Variants in ASTN2 observed in about 807,000 individuals in gnomAD.
ASTN2 encodes the protein astrotactin 2, also known as astrotactin-2.
ASTN2 carries 54 observed loss-of-function variants against 139.8 expected under a neutral mutation model. The observed-to-expected ratio is 0.39, with a 90% CI of 0.31 to 0.48. The LOEUF (loss-of-function observed/expected upper bound fraction) is 0.48. ASTN2 is among the 20% of genes least tolerant of loss of function. The pLI, the probability that ASTN2 is intolerant of heterozygous loss-of-function variation, is 0.95. For missense variants in ASTN2, 1,565 were observed against 1,725.1 expected, an observed-to-expected ratio of 0.91 and a Z score of 1.64; for synonymous variants, 756 against 719.5, an observed-to-expected ratio of 1.05 and a Z score of -0.81.
At chr9:116,904,394 C>T (rs1402769443) in intron 10 of ASTN2, among the ~76,000 whole-genome samples, 1 of 152,164 alleles carries the variant, frequency 6.6e-6, no homozygotes, top group African/African-American at 2.4e-5. Flanking sequence ...ATGACACTCA[C>T]AGTCTGGTCA....
chr9:116,813,313 C>T (rs1178944405), intron 12 of ASTN2, among the ~76,000 whole-genome samples: 2 of 152,016 alleles, frequency 1.3e-5, no homozygotes, highest in Non-Finnish European at 2.9e-5. Context: ...ACCATAAAAC[C>T]TTCTATGTGT....
At chr9:116,933,556 A>G (rs974891480) in intron 10 of ASTN2, among the ~76,000 whole-genome samples, 9 of 152,238 alleles carry the variant, frequency 5.9e-5, no homozygotes, top group Admixed American at 5.2e-4. Flanking sequence ...CAAGAGGGGG[A>G]AAAGATGGAG....
intron 1 of ASTN2, among the ~76,000 whole-genome samples, chr9:117,369,983 G>A (rs937765407): frequency 3.9e-5 from 6 of 151,988 alleles, no homozygotes; most frequent in African/African-American, 1.2e-4. Context: ...GTCATGGCAC[G>A]CTAGTTAACA....
In ASTN2 at chr9:116,854,437, A is replaced by G. The variant is rs368369847; in HGVS notation, c.2040+9146T>C. 9.8e-5 allele frequency among the ~76,000 whole-genome samples: 15 copies of G among 152,306 alleles called. 1 individual carries two copies. In the East Asian group the frequency reaches 1.5e-3, roughly 16 times the overall value. On this transcript the variant is annotated intron_variant, in intron 11 of 22. Transcript: ENST00000313400. ...GCTTTAAGTAACTTTTCCCAAAGTC[A>G]CATGGCTAGTGAATGACAAGGTAAG...
intron 5 of ASTN2, among the ~76,000 whole-genome samples, chr9:117,049,892 T>G (rs944517018): frequency 6.6e-6 from 1 of 152,030 alleles, no homozygotes; most frequent in Non-Finnish European, 1.5e-5. Flanking sequence ...ATAGATTAAA[T>G]TGCAGTGTGT....
Position 116,440,821 on chromosome 9 carries a change from C to T in ASTN2, c.3599-29G>A, listed in dbSNP as rs201239208. On this transcript the variant is annotated intron_variant, in intron 21 of 22. Transcript: ENST00000313400. The stretch of plus-strand genomic sequence containing the variant: ...AGAGGGCAGAAGGGCAGAAACAGAT[C>T]ACTGGGTGGTGAAAAAAAGTAAGGA... 1.9e-6 allele frequency: 3 copies of T among 1,593,454 alleles called. No individual in the cohort carries two copies. The Admixed American group carries it at 5.1e-5, about 27-fold the overall frequency.
chr9:116,766,088 A>G (rs1400274184), intron 13 of ASTN2, among the ~76,000 whole-genome samples: 21 of 152,138 alleles, frequency 1.4e-4, no homozygotes, highest in Admixed American at 1.4e-3. Flanking sequence ...AGCCTAAAAC[A>G]TGGCAAGCCT....
chr9:116,445,677 T>G (rs1847966315), intron 20 of ASTN2, among the ~76,000 whole-genome samples: 1 of 152,170 alleles, frequency 6.6e-6, no homozygotes, highest in Non-Finnish European at 1.5e-5. Context: ...GGCTGAATAT[T>G]CTTTGGGAAG....
chr9:116,507,757 A>G (rs1850174152), intron 19 of ASTN2, among the ~76,000 whole-genome samples: 1 of 151,956 alleles, frequency 6.6e-6, no homozygotes, highest in African/African-American at 2.4e-5. Flanking sequence ...CCTTCTGCAA[A>G]CTCGATCCTC....
At chr9:117,016,640 A>AAAGGT (rs1837701605) in intron 6 of ASTN2, among the ~76,000 whole-genome samples, 1 of 21,730 alleles carries the variant, frequency 4.6e-5, no homozygotes, top group Non-Finnish European at 1.3e-4. Context: ...ATATATATAT[A>AAAGGT]TATATATATA....
intron 5 of ASTN2, among the ~76,000 whole-genome samples, chr9:117,062,078 G>T (rs1839310285): frequency 6.6e-6 from 1 of 152,160 alleles, no homozygotes; most frequent in South Asian, 2.1e-4. Context: ...TTTGAAGGAT[G>T]GGTCTTCTCC....
chr9:116,682,539 G>T (rs1161457700), intron 16 of ASTN2, among the ~76,000 whole-genome samples: 1 of 152,170 alleles, frequency 6.6e-6, no homozygotes, highest in Admixed American at 6.6e-5. Flanking sequence ...TATACCCAAA[G>T]GACTATAAAT....
At chr9:117,243,804 C>A (rs1833285900) in intron 2 of ASTN2, among the ~76,000 whole-genome samples, 1 of 152,170 alleles carries the variant, frequency 6.6e-6, no homozygotes, top group African/African-American at 2.4e-5. Flanking sequence ...CACATTCAGA[C>A]CCAGACACTG....
chr9:116,552,670 A>T (rs1185400600), intron 19 of ASTN2, among the ~76,000 whole-genome samples: 1 of 152,230 alleles, frequency 6.6e-6, no homozygotes, highest in Non-Finnish European at 1.5e-5. Flanking sequence ...CTCTCCTCCC[A>T]GTACTCCACC....
chr9:116,617,241 T>C lies in ASTN2; in HGVS notation c.3355+1083A>G, dbSNP rs560020444. Among the ~76,000 whole-genome samples the C allele has an allele frequency of 5.3e-5, 8 of 152,176 alleles. No homozygotes were observed. In the East Asian group the frequency reaches 9.7e-4, roughly 18 times the overall value. On this transcript the variant is annotated intron_variant, in intron 19 of 22. Coordinates refer to ENST00000313400, the MANE Select transcript of ASTN2 (RefSeq NM_001365068.1). The stretch of plus-strand genomic sequence containing the variant: ...AATTTCAGAGGAAGCAAAGCAAAAA[T>C]AGCCCAGAGAGGAATGGGAGAGGTG...
chr9:116,851,257 C>T (rs1832591274), intron 11 of ASTN2, among the ~76,000 whole-genome samples: 1 of 152,054 alleles, frequency 6.6e-6, no homozygotes, highest in South Asian at 2.1e-4. Flanking sequence ...GCATAAAAGA[C>T]AGGGTCTTGG....
At position 116,886,411 on chromosome 9, in the gene ASTN2, G is replaced by A. The variant is rs143151918; in HGVS notation, c.1890-22678C>T. On this transcript the variant is annotated intron_variant, in intron 10 of 22. Transcript: ENST00000313400. ...TTTTCTTGAAACAGGGTCTTGCTCC[G>A]TTGCCCAGGTTTCACTGCAGTGGTG... Among the ~76,000 whole-genome samples the A allele has an allele frequency of 3.9e-4, 60 of 152,138 alleles. 2 individuals carry two copies. The East Asian group carries it at 5.4e-3, about 14-fold the overall frequency.
In ASTN2 at chr9:117,406,857, A is replaced by AACAC. The variant is rs59125408; in HGVS notation, c.442+7636_442+7639dup. Among the ~76,000 whole-genome samples the AACAC allele has an allele frequency of 7.2e-3, 1,035 of 144,310 alleles. 3 individuals are homozygous for AACAC. The highest frequency in any genetic ancestry group is 0.012 in the Admixed American group (169 of 14,334). 94.7% of individuals were successfully genotyped at this position (144,310 alleles called of 152,430 possible). On this transcript the variant is annotated intron_variant, in intron 1 of 22. Transcript: ENST00000313400. ...ATTATGTCTGTTGTCATTGTCCCCT[A>AACAC]ACACACACACACACACACACACACA...
At chr9:116,898,725 A>G (rs1302447671) in intron 10 of ASTN2, among the ~76,000 whole-genome samples, 1 of 152,190 alleles carries the variant, frequency 6.6e-6, no homozygotes, top group Non-Finnish European at 1.5e-5. Flanking sequence ...GTTGGAGTGC[A>G]GTGGCACGTT....
Sources: gnomAD v4.1 joint callset for allele counts (sites outside exome capture counted in the v4.1 genomes callset) on GRCh38, gnomAD v4.1.1 for gene constraint, MANE v1.5 for transcripts, NCBI Gene and HGNC (gene_info 2026-07-23, HGNC 2026-07-21) for gene names.